Variants in UBE2D2 observed in about 807,000 individuals in gnomAD.
UBE2D2 encodes the protein ubiquitin-conjugating enzyme E2 D2.
Under a neutral mutation model 24.2 loss-of-function variants are expected in UBE2D2, and 2 were observed. The observed-to-expected ratio is 0.08, with a 90% CI of 0.03 to 0.26. The LOEUF (loss-of-function observed/expected upper bound fraction) is 0.26. Ranked by LOEUF, UBE2D2 falls within the 10% of genes least tolerant of loss-of-function variation. The pLI, the probability that UBE2D2 is intolerant of heterozygous loss-of-function variation, is 1.00. For missense variants in UBE2D2, 44 were observed against 177.6 expected (o/e 0.25, Z 4.28); for synonymous variants, 58 against 56.5 (o/e 1.03, Z -0.12).
intron 1 of UBE2D2, among the ~76,000 whole-genome samples, chr5:139,576,971 T>C (rs1581503687): frequency 6.8e-6 from 1 of 147,618 alleles, no homozygotes; most frequent in East Asian, 1.9e-4. Flanking sequence ...ACTTGAATTT[T>C]TTTTTTTTTT....
intron 5 of UBE2D2, among the ~76,000 whole-genome samples, chr5:139,617,367 G>A (rs936115747): frequency 2.1e-5 from 3 of 143,964 alleles, no homozygotes; most frequent in Admixed American, 7.2e-5. Context: ...AATGTGGTGT[G>A]TGATTTTTTT....
At chr5:139,574,866 T>G (rs1366249065) in intron 1 of UBE2D2, among the ~76,000 whole-genome samples, 2 of 152,076 alleles carry the variant, frequency 1.3e-5, no homozygotes, top group African/African-American at 4.8e-5. Flanking sequence ...CCTGCAAGCC[T>G]GTGGGGAAGA....
chr5:139,620,912 T>G (rs1351926758), intron 5 of UBE2D2, among the ~76,000 whole-genome samples: 1 of 152,232 alleles, frequency 6.6e-6, no homozygotes, highest in Non-Finnish European at 1.5e-5. Flanking sequence ...AATCAGTGAC[T>G]TTATGCCCCC....
chr5:139,601,909 C>CA (rs887066675), intron 2 of UBE2D2, among the ~76,000 whole-genome samples: 274 of 75,326 alleles, frequency 3.6e-3, no homozygotes, highest in African/African-American at 7.3e-3. Flanking sequence ...GACTTACTCT[C>CA]AAAAAAAAAA....
At chr5:139,567,319 C>T (rs1349879862) in intron 1 of UBE2D2, among the ~76,000 whole-genome samples, 7 of 151,878 alleles carry the variant, frequency 4.6e-5, no homozygotes, top group African/African-American at 1.2e-4. Flanking sequence ...AGGCTGGTCT[C>T]GAACTCCTGA....
chr5:139,603,481 G>A (rs186019169), intron 2 of UBE2D2, among the ~76,000 whole-genome samples: 1,704 of 151,832 alleles, frequency 0.011, 15 homozygotes, highest in Non-Finnish European at 0.018. Context: ...AAATTAGCTG[G>A]GCGCGGTGGC....
chr5:139,584,191 C>T (rs1753667459), intron 1 of UBE2D2, among the ~76,000 whole-genome samples: 1 of 151,974 alleles, frequency 6.6e-6, no homozygotes, highest in Non-Finnish European at 1.5e-5. Context: ...TTTACCATAC[C>T]TTTTCTGTTT....
intron 1 of UBE2D2, among the ~76,000 whole-genome samples, chr5:139,554,075 C>T (rs1300306971): frequency 2.6e-5 from 4 of 152,228 alleles, no homozygotes; most frequent in Middle Eastern, 6.8e-3. Context: ...CCACCACGCC[C>T]GGCCAAGGTT....
At chr5:139,600,530 C>A in intron 2 of UBE2D2, 95 bp downstream of exon 2, 1 of 1,243,624 alleles carries the variant, frequency 8.0e-7, no homozygotes, top group South Asian at 1.3e-5. Flanking sequence ...AGTGTTTAAC[C>A]CTTAGTGGCC....
At chr5:139,581,884 G>T (rs1020395395) in intron 1 of UBE2D2, among the ~76,000 whole-genome samples, 5 of 152,142 alleles carry the variant, frequency 3.3e-5, no homozygotes, top group African/African-American at 1.2e-4. Flanking sequence ...GGTCAGGCTG[G>T]TTTCAAACTC....
chr5:139,613,357 G>A (rs1754362245), intron 2 of UBE2D2, among the ~76,000 whole-genome samples: 1 of 152,112 alleles, frequency 6.6e-6, no homozygotes, highest in South Asian at 2.1e-4. Flanking sequence ...ACTTCCCTTA[G>A]GTTGCTCAGA....
chr5:139,566,386 ACAG>A (rs546942977), intron 1 of UBE2D2, among the ~76,000 whole-genome samples: 171 of 808 alleles, frequency 0.21, no homozygotes, highest in African/African-American at 0.38. Context: ...CAGGTCATGC[ACAG>A]TGGGTCATGC....
intron 1 of UBE2D2, among the ~76,000 whole-genome samples, chr5:139,543,875 C>G (rs992565244): frequency 6.6e-6 from 1 of 152,130 alleles, no homozygotes; most frequent in African/African-American, 2.4e-5. Flanking sequence ...TTGCATGAAG[C>G]CTTTGACAGG....
At chr5:139,550,655 C>T (rs983582046) in intron 1 of UBE2D2, among the ~76,000 whole-genome samples, 1 of 152,020 alleles carries the variant, frequency 6.6e-6, no homozygotes, top group Non-Finnish European at 1.5e-5. Flanking sequence ...AGCTGTAACA[C>T]TCTTCGTGAA....
At position 139,576,826 on chromosome 5, in the gene UBE2D2, C is replaced by A. The variant is rs1411737913; in HGVS notation, c.24+15011C>A. Among the ~76,000 whole-genome samples, 4 of 151,758 alleles carry A rather than the reference C, an allele frequency of 2.6e-5. No individual in the cohort carries two copies. The South Asian group carries it at 8.3e-4, about 32-fold the overall frequency. On this transcript the variant is annotated intron_variant, in intron 1 of 6. Coordinates refer to ENST00000398733, the MANE Select transcript of UBE2D2 (RefSeq NM_003339.3). ...ACCTGTTCACATTTTTGTTAATAGT[C>A]TCTCATGTCTAGTTTTGGAGGCTGG...
At chr5:139,578,110 G>A (rs1753517960) in intron 1 of UBE2D2, among the ~76,000 whole-genome samples, 1 of 152,102 alleles carries the variant, frequency 6.6e-6, no homozygotes, top group South Asian at 2.1e-4. Flanking sequence ...TGCCACCCTT[G>A]TTGTGGACAT....
intron 1 of UBE2D2, among the ~76,000 whole-genome samples, chr5:139,580,968 A>G (rs979814017): frequency 6.6e-6 from 1 of 152,158 alleles, no homozygotes; most frequent in Non-Finnish European, 1.5e-5. Flanking sequence ...TTGTTAAAGC[A>G]ACCTGGGCTT....
chr5:139,625,120 C>T (rs1403294417), intron 6 of UBE2D2, among the ~76,000 whole-genome samples: 1 of 150,768 alleles, frequency 6.6e-6, no homozygotes, highest in Non-Finnish European at 1.5e-5. Flanking sequence ...TACAGTGGCA[C>T]AATCGTGGCT....
At chr5:139,597,102 A>G (rs1034626317) in intron 1 of UBE2D2, among the ~76,000 whole-genome samples, 1 of 151,896 alleles carries the variant, frequency 6.6e-6, no homozygotes, top group Non-Finnish European at 1.5e-5. Context: ...GTATTACAGT[A>G]ACATTTAGTG....
Sources: gnomAD v4.1 joint callset for allele counts (sites outside exome capture counted in the v4.1 genomes callset) on GRCh38, gnomAD v4.1.1 for gene constraint, MANE v1.5 for transcripts, NCBI Gene and HGNC (gene_info 2026-07-23, HGNC 2026-07-21) for gene names.